The following BIN3 variants were observed in gnomAD, a reference collection of about 807,000 sequenced individuals.
BIN3 encodes the protein bridging integrator 3.
BIN3 carries 41 observed loss-of-function variants against 38.2 expected under a neutral mutation model. The observed-to-expected ratio is 1.07, with a 90% CI of 0.84 to 1.39. BIN3 has a LOEUF of 1.39. BIN3 is among the 40% of genes most tolerant of loss of function. The pLI is 0.00. For missense variants in BIN3, 361 were observed against 324.3 expected, an observed-to-expected ratio of 1.11 and a Z score of -0.87; for synonymous variants, 145 against 122.6, an observed-to-expected ratio of 1.18 and a Z score of -1.21.
At chr8:22,641,037 G>A (rs1354572142) in intron 2 of BIN3, among the ~76,000 whole-genome samples, 1 of 152,124 alleles carries the variant, frequency 6.6e-6, no homozygotes, top group Non-Finnish European at 1.5e-5. Context: ...AGATGCACGG[G>A]GACACTGCCA....
chr8:22,650,192 G>C (rs566687482), intron 1 of BIN3, among the ~76,000 whole-genome samples: 4 of 152,122 alleles, frequency 2.6e-5, no homozygotes, highest in Non-Finnish European at 5.9e-5. Flanking sequence ...GAGTCATACA[G>C]GATCAATTCT....
At chr8:22,656,345 A>G (rs565203164) in intron 1 of BIN3, among the ~76,000 whole-genome samples, 1 of 150,036 alleles carries the variant, frequency 6.7e-6, no homozygotes, top group South Asian at 2.1e-4. Flanking sequence ...ATGAAGTTTT[A>G]TATTTTTGGT....
Position 22,650,315 on chromosome 8 carries a change from T to C in BIN3, c.9-5512A>G, listed in dbSNP as rs116604609. Among the ~76,000 whole-genome samples the C allele has an allele frequency of 3.7e-3, 559 of 152,376 alleles. 6 individuals carry two copies. Among genetic ancestry groups the C allele is most frequent in the African/African-American group, 0.013 (533 of 41,592 alleles). On this transcript the variant is annotated intron_variant, in intron 1 of 8. Coordinates refer to ENST00000276416, the MANE Select transcript of BIN3 (RefSeq NM_018688.6). ...AGTTTACATTTTACTAACCACACTT[T>C]GGTTTGTATATCAGGATTTTTTTCT...
At chr8:22,666,418 G>A (rs904833591) in intron 1 of BIN3, among the ~76,000 whole-genome samples, 7 of 151,626 alleles carry the variant, frequency 4.6e-5, no homozygotes, top group Non-Finnish European at 1.0e-4. Context: ...GGTGGACAAT[G>A]GGAGAGAAAA....
At chr8:22,634,646 C>A in intron 4 of BIN3, 6 of 420,022 alleles carry the variant, frequency 1.4e-5, no homozygotes, top group South Asian at 8.8e-5. Flanking sequence ...CGTAGGTGCC[C>A]ACTGCCCTGT....
intron 1 of BIN3, among the ~76,000 whole-genome samples, chr8:22,667,644 G>C (rs987646244): frequency 6.6e-5 from 10 of 152,182 alleles, no homozygotes; most frequent in African/African-American, 1.9e-4. Flanking sequence ...GTTATAACAA[G>C]ACAGGGAAGG....
rs550531843 is a variant in BIN3, at chr8:22,621,780, T to C, written c.616-212A>G. 8.6e-5 allele frequency among the ~76,000 whole-genome samples: 13 copies of C among 152,024 alleles called. No individual in the cohort carries two copies. In the South Asian group the frequency reaches 2.7e-3, roughly 32 times the overall value. On this transcript the variant is annotated intron_variant, in intron 8 of 8. Transcript: ENST00000276416. ...GCAACAGGGCCTCAGTGGCTGGAGG[T>C]GGAGGCGCCCCTGCTTCGGGCTCCT...
chr8:22,624,340 A>G lies in BIN3; in HGVS notation c.362T>C (p.Leu121Pro), dbSNP rs1801942396. Residue 121 changes from leucine to proline, a missense_variant, in exon 7 of 9, where the codon CTC becomes CCC. Transcript: ENST00000276416. ...LKKFGSVFPS[L>P]NMAVKRREQA... ...TTCCCGCCTCTTCACAGCCATGTTGAGGCTCGGGAAGACACTGCCGAACCT... is the reference window on the plus strand; with the variant it reads ...TTCCCGCCTCTTCACAGCCATGTTGGGGCTCGGGAAGACACTGCCGAACCT... The G allele has an allele frequency of 1.9e-6, 3 of 1,613,168 alleles. No individual in the cohort carries two copies. The African/African-American group carries it at 4.0e-5, about 22-fold the overall frequency.
At chr8:22,661,443 C>T (rs1334876119) in intron 1 of BIN3, among the ~76,000 whole-genome samples, 7 of 133,232 alleles carry the variant, frequency 5.3e-5, no homozygotes, top group African/African-American at 1.1e-4. Context: ...CTGCAACCTC[C>T]GCCTCCTGGG....
chr8:22,635,450 T>C (rs565229160), intron 4 of BIN3, among the ~76,000 whole-genome samples: 18 of 152,202 alleles, frequency 1.2e-4, no homozygotes, highest in African/African-American at 4.1e-4. Flanking sequence ...CAGGTCCTCG[T>C]CCCAGTGTGG....
intron 2 of BIN3, among the ~76,000 whole-genome samples, chr8:22,643,336 CT>C (rs35513451): frequency 8.7e-5 from 13 of 150,210 alleles, no homozygotes; most frequent in Admixed American, 4.0e-4. Context: ...CACCCCCCAA[CT>C]TTTTTTTTTA....
rs371301314 is a variant in BIN3, at chr8:22,629,959, C to T, written c.338+5G>A. 3.5e-5 allele frequency: 56 copies of T among 1,606,402 alleles called. No homozygotes were observed. The highest frequency in any genetic ancestry group is 4.6e-5 in the Non-Finnish European group (54 of 1,176,020). On this transcript the variant is annotated splice_donor_5th_base_variant and intron_variant, in intron 6 of 8. Transcript: ENST00000276416. ...CCCCGAGGCCCCCAGGTGACATTTACTCACTTTTTTAAGGGCTCGATCACA... is the reference window on the plus strand; with the variant it reads ...CCCCGAGGCCCCCAGGTGACATTTATTCACTTTTTTAAGGGCTCGATCACA...
chr8:22,639,407 A>G (rs1033644018), intron 2 of BIN3, among the ~76,000 whole-genome samples: 1 of 151,928 alleles, frequency 6.6e-6, no homozygotes, highest in Non-Finnish European at 1.5e-5. Context: ...AATTTTTTAA[A>G]TTTTAGTGGA....
chr8:22,634,504 G>A, intron 4 of BIN3: 1 of 456,314 alleles, frequency 2.2e-6, no homozygotes. Flanking sequence ...TTACACATCA[G>A]TAACTGGCTG....
chr8:22,627,253 T>A (rs1802032195), intron 6 of BIN3, among the ~76,000 whole-genome samples: 1 of 152,098 alleles, frequency 6.6e-6, no homozygotes, highest in Non-Finnish European at 1.5e-5. Flanking sequence ...CTTTCTACAT[T>A]CAGTGGGAAC....
rs567879407 is a variant in BIN3, at chr8:22,637,455, TGG to T, written c.58-495_58-494del. Among the ~76,000 whole-genome samples, 109 of 152,228 alleles carry T rather than the reference TGG, an allele frequency of 7.2e-4. 1 individual carries two copies. The South Asian group carries it at 0.022, about 30-fold the overall frequency. ...CCACCTGCCCCTGCTGGGCTCAGGG[TGG>T]GTCAGGAACAATCGTGCACCTGTGC... On this transcript the variant is annotated intron_variant, in intron 2 of 8. Coordinates refer to ENST00000276416, the MANE Select transcript of BIN3 (RefSeq NM_018688.6).
rs1802033416 is a variant in BIN3 at position 22,627,309 on chromosome 8, G to A, written c.338+2655C>T. ...CGCAGCTTGTGCCAAGGTGGCTGAA[G>A]AGTAGTGGACCAGGACTCTGTCACA... is the stretch of plus-strand genomic sequence containing the variant. On this transcript the variant is annotated intron_variant, in intron 6 of 8. Coordinates refer to ENST00000276416, the MANE Select transcript of BIN3 (RefSeq NM_018688.6). 3.3e-5 allele frequency among the ~76,000 whole-genome samples: 5 copies of A among 152,080 alleles called. No individual in the cohort carries two copies. The South Asian group carries it at 1.0e-3, about 32-fold the overall frequency.
At position 22,640,694 on chromosome 8, in the gene BIN3, C is replaced by T. The variant is rs753212053; in HGVS notation, c.58-3732G>A. 6.7e-4 allele frequency among the ~76,000 whole-genome samples: 102 copies of T among 152,290 alleles called. No homozygotes were observed. The Middle Eastern group carries it at 0.01, about 15-fold the overall frequency. ...CCCCGGGGCCCTAGCCTTTGGCTCC[C>T]TTCCTCCCTTTTGCAATCCCCCAAG... is the stretch of plus-strand genomic sequence containing the variant. On this transcript the variant is annotated intron_variant, in intron 2 of 8. Coordinates refer to ENST00000276416, the MANE Select transcript of BIN3 (RefSeq NM_018688.6).
intron 2 of BIN3, among the ~76,000 whole-genome samples, chr8:22,638,057 T>G (rs1186974646): frequency 7.0e-6 from 1 of 142,392 alleles, no homozygotes; most frequent in African/African-American, 2.5e-5. Flanking sequence ...GGAAGGCATT[T>G]GCTGACCCAA....
Sources: allele counts gnomAD v4.1 joint callset (sites outside exome capture counted in the v4.1 genomes callset), GRCh38; gene constraint gnomAD v4.1.1; transcripts MANE v1.5; gene names NCBI Gene and HGNC (gene_info 2026-07-23, HGNC 2026-07-21).